Variants in R3HDM2 observed in about 807,000 individuals in gnomAD.
R3HDM2 encodes R3H domain containing 2.
In R3HDM2, 38 loss-of-function variants were observed where a neutral mutation model predicts 124.5. The ratio of observed to expected loss-of-function variants is 0.31; its 90% CI spans 0.24 to 0.40. The LOEUF (loss-of-function observed/expected upper bound fraction) is 0.40. Ranked by LOEUF, R3HDM2 falls within the 10% of genes least tolerant of loss-of-function variation. The probability of loss-of-function intolerance (pLI) is 1.00; values close to 1 mark genes in which losing one functional copy is unlikely to be tolerated. For missense variants in R3HDM2, 869 were observed against 1,236.9 expected (o/e 0.70, Z 4.46); for synonymous variants, 391 against 448.0 (o/e 0.87, Z 1.61).
At chr12:57,314,245 C>T (rs866629693) in intron 2 of R3HDM2, among the ~76,000 whole-genome samples, 1 of 149,944 alleles carries the variant, frequency 6.7e-6, no homozygotes, top group Admixed American at 6.7e-5. Flanking sequence ...TTTGGGAGGC[C>T]GAGGCGGTTG....
intron 1 of R3HDM2, among the ~76,000 whole-genome samples, chr12:57,411,611 A>T (rs1253472975): frequency 6.6e-6 from 1 of 152,220 alleles, no homozygotes; most frequent in Non-Finnish European, 1.5e-5. Context: ...GACAAGACTG[A>T]CATGTCTGGT....
chr12:57,389,653 A>G (rs1009012370), intron 2 of R3HDM2, among the ~76,000 whole-genome samples: 6 of 152,236 alleles, frequency 3.9e-5, no homozygotes, highest in Admixed American at 3.3e-4. Context: ...AGATGCACTT[A>G]GGTTGGAAAG....
chr12:57,275,151 C>G (rs1167336567), intron 14 of R3HDM2, among the ~76,000 whole-genome samples: 2 of 152,030 alleles, frequency 1.3e-5, no homozygotes, highest in Non-Finnish European at 2.9e-5. Flanking sequence ...ATACAGAACC[C>G]AGAAATAAAC....
At chr12:57,317,157 A>G (rs1301676465) in intron 2 of R3HDM2, among the ~76,000 whole-genome samples, 1 of 149,864 alleles carries the variant, frequency 6.7e-6, no homozygotes, top group Non-Finnish European at 1.5e-5. Flanking sequence ...GATTGGAATA[A>G]AGGTGTGACC....
At chr12:57,376,491 A>C (rs2064090399) in intron 2 of R3HDM2, among the ~76,000 whole-genome samples, 2 of 152,186 alleles carry the variant, frequency 1.3e-5, no homozygotes, top group African/African-American at 4.8e-5. Flanking sequence ...AAGTTCTAAC[A>C]GTTTTTTAAT....
At chr12:57,389,626 G>C (rs2066367879) in intron 2 of R3HDM2, among the ~76,000 whole-genome samples, 1 of 152,164 alleles carries the variant, frequency 6.6e-6, no homozygotes, top group Admixed American at 6.6e-5. Context: ...ATAAAGCTCA[G>C]AGAGAATTAC....
intron 1 of R3HDM2, among the ~76,000 whole-genome samples, chr12:57,406,605 T>C (rs950057675): frequency 1.3e-5 from 2 of 152,104 alleles, no homozygotes; most frequent in Admixed American, 1.3e-4. Flanking sequence ...ATGATAGAAT[T>C]TGAGTATCAC....
At chr12:57,366,236 C>A (rs1363946702) in intron 2 of R3HDM2, among the ~76,000 whole-genome samples, 1 of 151,782 alleles carries the variant, frequency 6.6e-6, no homozygotes, top group Non-Finnish European at 1.5e-5. Flanking sequence ...TTCACTGCAG[C>A]CTTGAATTCC....
At position 57,283,897 on chromosome 12, in the gene R3HDM2, T is replaced by C; in HGVS notation, c.1098A>G (p.Gly366=). 6.2e-7 allele frequency: 1 copy of C among 1,614,168 alleles called. No homozygotes were observed. Among genetic ancestry groups the C allele is most frequent in the Non-Finnish European group, 8.5e-7 (1 of 1,180,032 alleles). The part of the protein sequence containing the change: ...PPVTKASSFS[G]ISILTRGDSI... ...TGTCACCTCGGGTAAGGATAGAGAT[T>C]CCACTGAAGCTGCTAGCTTTGGTGA... is the stretch of plus-strand genomic sequence containing the variant. Residue 366 remains glycine (G), a synonymous_variant, in exon 13 of 24, where the codon GGA becomes GGG. Transcript: ENST00000402412.
Position 57,254,950 on chromosome 12 carries a change from A to G in R3HDM2, c.2796T>C (p.Ala932=). ...CGAGGTCCGAGTGGCGGCCATTCTC[A>G]GCAGTCCCACTGTTGTCCCCCCCAC... The part of the protein sequence containing the change: ...GGGGGDNSGT[A]ENGRHSDLAA... The change falls in exon 24 of 24, where the codon GCT becomes GCC. Residue 932 remains alanine (A), a synonymous_variant. Transcript: ENST00000402412. The G allele has an allele frequency of 6.2e-7, 1 of 1,614,020 alleles. No individual in the cohort carries two copies. The highest frequency in any genetic ancestry group is 8.5e-7 in the Non-Finnish European group (1 of 1,179,950).
At chr12:57,329,440 T>C (rs1198054664) in intron 2 of R3HDM2, among the ~76,000 whole-genome samples, 6 of 152,284 alleles carry the variant, frequency 3.9e-5, no homozygotes, top group East Asian at 3.9e-4. Context: ...ATCTGTAGGA[T>C]AGGCATGATA....
At chr12:57,294,304 A>G (rs1001797549) in intron 10 of R3HDM2, among the ~76,000 whole-genome samples, 3 of 152,168 alleles carry the variant, frequency 2.0e-5, no homozygotes, top group African/African-American at 4.8e-5. Context: ...CTTTGCCCCA[A>G]TGTGCCTCTA....
At chr12:57,370,594 C>T (rs1456705917) in intron 2 of R3HDM2, among the ~76,000 whole-genome samples, 1 of 151,974 alleles carries the variant, frequency 6.6e-6, no homozygotes, top group Non-Finnish European at 1.5e-5. Context: ...GAGCCAAGAT[C>T]GCGCCATTGC....
At chr12:57,293,218 G>A (rs905800385) in intron 10 of R3HDM2, among the ~76,000 whole-genome samples, 10 of 152,142 alleles carry the variant, frequency 6.6e-5, no homozygotes, top group African/African-American at 2.4e-4. Flanking sequence ...TCCCAAGGGC[G>A]AAGCTAAACT....
intron 1 of R3HDM2, among the ~76,000 whole-genome samples, chr12:57,425,144 T>C (rs937592735): frequency 6.6e-6 from 1 of 151,960 alleles, no homozygotes; most frequent in Admixed American, 6.6e-5. Context: ...TGGTGGCGCA[T>C]GCCTGTAATC....
chr12:57,424,232 A>ACC lies in R3HDM2; in HGVS notation c.-106+6487_-106+6488insGG. Among the ~76,000 whole-genome samples, 3 of 151,184 alleles carry ACC rather than the reference A, an allele frequency of 2.0e-5. No homozygotes were observed. In the East Asian group the frequency reaches 5.8e-4, roughly 29 times the overall value. ...GGAGTACAGTGGCGTGATCTCAATCACTGCAACTTCCGCCTTCCAGGTTCA... is the reference window on the plus strand; with the variant it reads ...GGAGTACAGTGGCGTGATCTCAATCACCCTGCAACTTCCGCCTTCCAGGTTCA... On this transcript the variant is annotated intron_variant, in intron 1 of 23. Coordinates refer to ENST00000402412, the MANE Select transcript of R3HDM2 (RefSeq NM_001394031.1).
intron 2 of R3HDM2, among the ~76,000 whole-genome samples, chr12:57,349,379 CAAAAAA>C (rs1161831845): frequency 2.1e-4 from 12 of 57,776 alleles, no homozygotes; most frequent in East Asian, 1.4e-3. Context: ...ACTCCGTCTC[CAAAAAA>C]AAAAAAAAAA....
chr12:57,345,107 T>C (rs970969617), intron 2 of R3HDM2, among the ~76,000 whole-genome samples: 1 of 151,994 alleles, frequency 6.6e-6, no homozygotes, highest in Non-Finnish European at 1.5e-5. Flanking sequence ...ATGCTGGGAT[T>C]ACAGGCATGA....
rs1384436508 is a variant in R3HDM2 at position 57,363,188 on chromosome 12, T to G, written c.-36+32561A>C. On this transcript the variant is annotated intron_variant, in intron 2 of 23. Coordinates refer to ENST00000402412, the MANE Select transcript of R3HDM2 (RefSeq NM_001394031.1). Reference sequence around the variant, plus strand: ...TTTTCTCCTGTCTTATAACACTTTCTGTAGCGGTGGTCTGATGGTGGTGAA... The same window carrying G: ...TTTTCTCCTGTCTTATAACACTTTCGGTAGCGGTGGTCTGATGGTGGTGAA... Among the ~76,000 whole-genome samples, 4 of 152,222 alleles carry G rather than the reference T, an allele frequency of 2.6e-5. No homozygotes were observed. The East Asian group carries it at 7.7e-4, about 29-fold the overall frequency.
Sources: allele counts gnomAD v4.1 joint callset (sites outside exome capture counted in the v4.1 genomes callset), GRCh38; gene constraint gnomAD v4.1.1; transcripts MANE v1.5; gene names NCBI Gene and HGNC (gene_info 2026-07-23, HGNC 2026-07-21).